ROR1: variants seen among roughly 807,000 people sequenced by gnomAD.
ROR1 encodes ROR family WNT receptor 1.
A neutral mutation model predicts 78.8 loss-of-function variants in ROR1; 19 were observed. That is an observed-to-expected ratio of 0.24 (90% CI 0.17 to 0.35). The LOEUF (loss-of-function observed/expected upper bound fraction) is 0.35. ROR1 is among the 10% of genes least tolerant of loss of function. The probability of loss-of-function intolerance (pLI) is 1.00; values close to 1 mark genes in which losing one functional copy is unlikely to be tolerated. For synonymous variants in ROR1, 386 were observed against 433.6 expected, an observed-to-expected ratio of 0.89 and a Z score of 1.36; for missense variants, 917 against 1,177.8, an observed-to-expected ratio of 0.78 and a Z score of 3.24.
intron 1 of ROR1, among the ~76,000 whole-genome samples, chr1:63,888,744 A>T (rs1322841162): frequency 6.6e-6 from 1 of 152,204 alleles, no homozygotes; most frequent in Non-Finnish European, 1.5e-5. Context: ...ATTAATTGAT[A>T]TAATTATCAG....
At chr1:63,945,301 C>T (rs1406760910) in intron 1 of ROR1, among the ~76,000 whole-genome samples, 1 of 152,080 alleles carries the variant, frequency 6.6e-6, no homozygotes, top group African/African-American at 2.4e-5. Context: ...TACACTCAGT[C>T]CCATGTAAAT....
chr1:64,013,785 G>T (rs941662395), intron 2 of ROR1, among the ~76,000 whole-genome samples: 3 of 152,218 alleles, frequency 2.0e-5, no homozygotes, highest in Admixed American at 6.5e-5. Flanking sequence ...TTACCTCGGT[G>T]TATTGAAATT....
In ROR1 at chr1:63,878,891, G is replaced by A. The variant is rs190354691; in HGVS notation, c.91+104383G>A. Reference sequence around the variant, plus strand: ...GACCGCAGCCTGTTCAGTCCTCATGGTATATGAAGCCTGTTGCATTACAGG... The same window carrying A: ...GACCGCAGCCTGTTCAGTCCTCATGATATATGAAGCCTGTTGCATTACAGG... On this transcript the variant is annotated intron_variant, in intron 1 of 8. Transcript: ENST00000371079. Among the ~76,000 whole-genome samples the A allele has an allele frequency of 3.2e-3, 488 of 152,168 alleles. 3 individuals are homozygous for A. The highest frequency in any genetic ancestry group is 5.4e-3 in the Non-Finnish European group (365 of 68,002).
At chr1:63,792,034 C>G (rs567305069) in intron 1 of ROR1, among the ~76,000 whole-genome samples, 1 of 152,084 alleles carries the variant, frequency 6.6e-6, no homozygotes, top group Non-Finnish European at 1.5e-5. Flanking sequence ...CAGCAGGTAA[C>G]AGGAAGGGCC....
At chr1:64,089,582 G>A (rs1476192868) in intron 4 of ROR1, among the ~76,000 whole-genome samples, 1 of 152,122 alleles carries the variant, frequency 6.6e-6, no homozygotes, top group African/African-American at 2.4e-5. Flanking sequence ...GAATAAAGTG[G>A]CTGGAAAGGA....
chr1:63,833,789 T>C (rs1468287625), intron 1 of ROR1, among the ~76,000 whole-genome samples: 3 of 152,020 alleles, frequency 2.0e-5, no homozygotes, highest in South Asian at 4.2e-4. Context: ...CTTGCGTTTT[T>C]TTTTCTTTTG....
intron 1 of ROR1, among the ~76,000 whole-genome samples, chr1:63,880,658 G>C (rs1645316159): frequency 6.6e-6 from 1 of 152,136 alleles, no homozygotes; most frequent in East Asian, 1.9e-4. Flanking sequence ...TTGAGGTGTT[G>C]GCTCTGTTTG....
intron 2 of ROR1, among the ~76,000 whole-genome samples, chr1:64,011,226 T>C (rs72914928): frequency 0.03 from 4,528 of 152,260 alleles, 253 homozygotes; most frequent in African/African-American, 0.1. Flanking sequence ...AATCAGGCAC[T>C]CCATGTTACT....
intron 1 of ROR1, among the ~76,000 whole-genome samples, chr1:63,796,455 T>C (rs1417212443): frequency 3.3e-5 from 5 of 152,252 alleles, no homozygotes; most frequent in African/African-American, 1.2e-4. Flanking sequence ...AGGTGATTTA[T>C]ATGCAAATTA....
chr1:63,810,285 G>A lies in ROR1; in HGVS notation c.91+35777G>A, dbSNP rs543784779. Among the ~76,000 whole-genome samples, 5 of 152,316 alleles carry A rather than the reference G, an allele frequency of 3.3e-5. No individual in the cohort carries two copies. The East Asian group carries it at 9.6e-4, about 29-fold the overall frequency. ...CAGAGGAGGCAAAAGATATTTTTGGGAACATTCTAAGGCATTCTCTTTCCT... is the reference window on the plus strand; with the variant it reads ...CAGAGGAGGCAAAAGATATTTTTGGAAACATTCTAAGGCATTCTCTTTCCT... On this transcript the variant is annotated intron_variant, in intron 1 of 8. Coordinates refer to ENST00000371079, the MANE Select transcript of ROR1 (RefSeq NM_005012.4).
At chr1:63,901,526 A>G (rs1040691850) in intron 1 of ROR1, among the ~76,000 whole-genome samples, 1 of 151,940 alleles carries the variant, frequency 6.6e-6, no homozygotes, top group African/African-American at 2.4e-5. Context: ...AGTTCATCTC[A>G]CTTTTCAGAT....
At position 63,785,498 on chromosome 1, in the gene ROR1, T is replaced by A. The variant is rs1391505052; in HGVS notation, c.91+10990T>A. 7.7e-5 allele frequency among the ~76,000 whole-genome samples: 5 copies of A among 64,886 alleles called. No individual in the cohort carries two copies. In the East Asian group the frequency reaches 8.7e-4, roughly 11 times the overall value. The allele number at this position is 64,886 out of a possible 152,430, so 42.6% of individuals were successfully genotyped here. A position where few individuals can be genotyped will look rare whatever the true frequency, so the allele number is the denominator to read the frequency against. On this transcript the variant is annotated intron_variant, in intron 1 of 8. Transcript: ENST00000371079. Reference sequence around the variant, plus strand: ...AAGCAGCAACTATATATATATATATTTTATTTATTTATTTATTTATTTATT... The same window carrying A: ...AAGCAGCAACTATATATATATATATATTATTTATTTATTTATTTATTTATT...
intron 4 of ROR1, among the ~76,000 whole-genome samples, chr1:64,064,473 C>T (rs1415682679): frequency 1.3e-5 from 2 of 152,188 alleles, no homozygotes; most frequent in Non-Finnish European, 2.9e-5. Flanking sequence ...GAATCACAGC[C>T]TGCAGAGGTC....
chr1:63,779,826 C>T (rs536944520), intron 1 of ROR1, among the ~76,000 whole-genome samples: 1 of 152,012 alleles, frequency 6.6e-6, no homozygotes, highest in Non-Finnish European at 1.5e-5. Context: ...CCCAGCCACA[C>T]CCCCCAGAAC....
intron 1 of ROR1, among the ~76,000 whole-genome samples, chr1:63,781,468 C>T (rs1399985278): frequency 1.3e-5 from 2 of 152,146 alleles, no homozygotes; most frequent in Admixed American, 1.3e-4. Flanking sequence ...GATGTATGCT[C>T]TTTTTGTTAT....
chr1:63,806,010 C>T (rs190843960), intron 1 of ROR1, among the ~76,000 whole-genome samples: 7 of 152,260 alleles, frequency 4.6e-5, no homozygotes, highest in Admixed American at 1.3e-4. Flanking sequence ...CAAAGCGAGA[C>T]GCTGTCTCAA....
At chr1:64,149,500 A>T (rs1047993069) in intron 7 of ROR1, among the ~76,000 whole-genome samples, 1 of 152,096 alleles carries the variant, frequency 6.6e-6, no homozygotes. Flanking sequence ...AGCCACAAAG[A>T]TATCTACTCT....
chr1:64,009,517 G>C (rs530534208), intron 2 of ROR1, 141 bp downstream of exon 2: 3 of 646,102 alleles, frequency 4.6e-6, no homozygotes, highest in East Asian at 5.4e-5. Flanking sequence ...AGCTTACTTT[G>C]TGATCATTTA....
intron 8 of ROR1, among the ~76,000 whole-genome samples, chr1:64,165,638 T>A (rs973195656): frequency 6.6e-6 from 1 of 151,918 alleles, no homozygotes; most frequent in African/African-American, 2.4e-5. Context: ...TCTTTGCCTG[T>A]GCCTATATCC....
Sources: gnomAD v4.1 joint callset for allele counts (sites outside exome capture counted in the v4.1 genomes callset) on GRCh38, gnomAD v4.1.1 for gene constraint, MANE v1.5 for transcripts, NCBI Gene and HGNC (gene_info 2026-07-23, HGNC 2026-07-21) for gene names.